CSMD3: variants seen among roughly 807,000 people sequenced by gnomAD.
CSMD3 encodes CUB and sushi domain-containing protein 3.
In CSMD3, 177 loss-of-function variants were observed where a neutral mutation model predicts 435.2. That is an observed-to-expected ratio of 0.41 (90% CI 0.36 to 0.46). The LOEUF is 0.46. Ranked by LOEUF, CSMD3 falls within the 20% of genes least tolerant of loss-of-function variation. CSMD3 has a pLI of 0.34. For synonymous variants in CSMD3, 1,656 were observed against 1,520.5 expected (o/e 1.09, Z -2.07); for missense variants, 4,265 against 4,504.6 (o/e 0.95, Z 1.52).
intron 16 of CSMD3, among the ~76,000 whole-genome samples, chr8:112,680,395 T>C (rs1166734509): frequency 6.6e-6 from 1 of 152,062 alleles, no homozygotes; most frequent in Non-Finnish European, 1.5e-5. Context: ...AAAATGCTAA[T>C]GTAGATTTTT....
chr8:112,265,370 C>T (rs2130407476), intron 60 of CSMD3, 41 bp downstream of exon 60: 5 of 1,458,166 alleles, frequency 3.4e-6, no homozygotes, highest in Non-Finnish European at 4.8e-6. Context: ...AAAATATGTA[C>T]TGGTTACCAT....
At chr8:112,288,680 T>C (rs192436146) in intron 57 of CSMD3, among the ~76,000 whole-genome samples, 62 of 152,128 alleles carry the variant, frequency 4.1e-4, no homozygotes, top group Admixed American at 3.2e-3. Context: ...GGAGCCATCA[T>C]AGATCTAAAA....
rs778004873 is a variant in CSMD3, at chr8:112,247,150, A to AG, written c.10111-20dup. 5.3e-6 allele frequency: 8 copies of AG among 1,523,368 alleles called. No homozygotes were observed. In the South Asian group the frequency reaches 9.0e-5, roughly 17 times the overall value. 94.4% of individuals were successfully genotyped at this position (1,523,368 alleles called of 1,614,324 possible). Reference sequence around the variant, plus strand: ...TTCCTACCTATAGCAAATTAAAGAGAGGAAAAAAATATTCCCCTACAACTT... The same window carrying AG: ...TTCCTACCTATAGCAAATTAAAGAGAGGGAAAAAAATATTCCCCTACAACTT... On this transcript the variant is annotated intron_variant, in intron 63 of 70. Coordinates refer to ENST00000297405, the MANE Select transcript of CSMD3 (RefSeq NM_198123.2).
intron 10 of CSMD3, among the ~76,000 whole-genome samples, chr8:112,883,068 G>A (rs2081491723): frequency 6.6e-6 from 1 of 151,896 alleles, no homozygotes; most frequent in Non-Finnish European, 1.5e-5. Flanking sequence ...AAAGGGAGGG[G>A]TTGTGTGGCC....
chr8:112,852,118 A>G (rs1044773590), intron 11 of CSMD3, among the ~76,000 whole-genome samples: 1 of 152,176 alleles, frequency 6.6e-6, no homozygotes, highest in Non-Finnish European at 1.5e-5. Context: ...TACCTGAAAA[A>G]GGGACTAGTG....
Position 112,472,651 on chromosome 8 carries a change from G to C in CSMD3, c.5335C>G (p.Pro1779Ala), listed in dbSNP as rs2130754092. ...SEGTVLSPNY[P>A]KNYSVGHNCV... Reference sequence around the variant, plus strand: ...TTATGTCCCACACTGTAATTTTTTGGATAGTTTGGTGATAGAACAGTGCCT... The same window carrying C: ...TTATGTCCCACACTGTAATTTTTTGCATAGTTTGGTGATAGAACAGTGCCT... The change falls in exon 32 of 71, where the codon CCA becomes GCA. Residue 1779 changes from proline (P) to alanine (A), a missense_variant. By Grantham distance (27) the Pro-to-Ala change is conservative. Transcript: ENST00000297405. 1 of 1,612,370 alleles carries C rather than the reference G, an allele frequency of 6.2e-7. No individual in the cohort carries two copies. The highest frequency in any genetic ancestry group is 1.1e-5 in the South Asian group (1 of 91,026).
intron 4 of CSMD3, among the ~76,000 whole-genome samples, chr8:113,120,734 A>G (rs539584523): frequency 6.6e-6 from 1 of 152,292 alleles, no homozygotes; most frequent in East Asian, 1.9e-4. Context: ...CACTGAGTAC[A>G]TATCTGGGTC....
At chr8:113,412,291 T>C (rs889970592) in intron 1 of CSMD3, among the ~76,000 whole-genome samples, 2 of 152,146 alleles carry the variant, frequency 1.3e-5, no homozygotes, top group Non-Finnish European at 2.9e-5. Flanking sequence ...ATAAATAAGA[T>C]GGGATCATTC....
chr8:113,221,541 G>A (rs1422986222), intron 3 of CSMD3, among the ~76,000 whole-genome samples: 1 of 151,166 alleles, frequency 6.6e-6, no homozygotes, highest in Admixed American at 6.6e-5. Context: ...ATAAAGCAAA[G>A]TAAAGAGACC....
intron 58 of CSMD3, among the ~76,000 whole-genome samples, chr8:112,284,552 G>T (rs1818983959): frequency 6.7e-6 from 1 of 150,256 alleles, no homozygotes; most frequent in African/African-American, 2.5e-5. Context: ...TTGCTTCATG[G>T]CCTATATCGT....
At chr8:112,855,473 G>A (rs377021197) in intron 11 of CSMD3, among the ~76,000 whole-genome samples, 62 of 152,046 alleles carry the variant, frequency 4.1e-4, no homozygotes, top group African/African-American at 1.5e-3. Flanking sequence ...AGACAAATCA[G>A]AAACTCTTTC....
intron 10 of CSMD3, among the ~76,000 whole-genome samples, chr8:112,869,430 T>G (rs1309985997): frequency 6.6e-6 from 1 of 152,212 alleles, no homozygotes; most frequent in African/African-American, 2.4e-5. Context: ...TTTCTGGGTA[T>G]GAAAACAAAT....
At chr8:112,599,911 C>G (rs1832162986) in intron 22 of CSMD3, among the ~76,000 whole-genome samples, 1 of 145,834 alleles carries the variant, frequency 6.9e-6, no homozygotes, top group Non-Finnish European at 1.5e-5. Flanking sequence ...GGAGATATAC[C>G]TAATGCTAGA....
chr8:113,078,624 C>G (rs1040202110), intron 5 of CSMD3, among the ~76,000 whole-genome samples: 4 of 152,116 alleles, frequency 2.6e-5, no homozygotes, highest in Non-Finnish European at 5.9e-5. Flanking sequence ...AGGGTCACAT[C>G]TTCTGGTTAA....
intron 5 of CSMD3, among the ~76,000 whole-genome samples, chr8:113,021,085 T>G (rs759663721): frequency 2.6e-5 from 4 of 152,210 alleles, no homozygotes; most frequent in Admixed American, 6.5e-5. Flanking sequence ...TATATATTTC[T>G]CATTTTTATT....
At position 112,990,861 on chromosome 8, in the gene CSMD3, C is replaced by T. The variant is rs140289182; in HGVS notation, c.1031-14713G>A. ...ACTCCACTCACTGTAGTTACCACTA[C>T]ATTTCTCTCTTCCCTTCTGAAAACC... On this transcript the variant is annotated intron_variant, in intron 6 of 70. Transcript: ENST00000297405. 6.6e-3 allele frequency among the ~76,000 whole-genome samples: 1,009 copies of T among 152,004 alleles called. 12 individuals carry two copies. The highest frequency in any genetic ancestry group is 0.023 in the African/African-American group (967 of 41,516).
chr8:112,832,757 C>A (rs1203930079), intron 11 of CSMD3, among the ~76,000 whole-genome samples: 1 of 152,164 alleles, frequency 6.6e-6, no homozygotes, highest in East Asian at 1.9e-4. Context: ...CATGCCCAGA[C>A]TCCTTTCCTG....
intron 31 of CSMD3, among the ~76,000 whole-genome samples, chr8:112,491,244 T>C (rs1055944522): frequency 1.3e-5 from 2 of 152,098 alleles, no homozygotes; most frequent in African/African-American, 4.8e-5. Context: ...AAAAATGCAA[T>C]TTATATCATA....
At chr8:113,245,726 C>T (rs1371240784) in intron 3 of CSMD3, among the ~76,000 whole-genome samples, 1 of 151,956 alleles carries the variant, frequency 6.6e-6, no homozygotes, top group Admixed American at 6.6e-5. Context: ...TTACTGTTCT[C>T]TATTTCTTTG....
Sources: allele counts gnomAD v4.1 joint callset (sites outside exome capture counted in the v4.1 genomes callset), GRCh38; gene constraint gnomAD v4.1.1; transcripts MANE v1.5; gene names NCBI Gene and HGNC (gene_info 2026-07-23, HGNC 2026-07-21).